LRBA: variants seen among roughly 807,000 people sequenced by gnomAD.
LRBA encodes lipopolysaccharide-responsive and beige-like anchor protein.
In LRBA, 176 loss-of-function variants were observed where a neutral mutation model predicts 330.0. That is an observed-to-expected ratio of 0.53 (90% CI 0.47 to 0.60). The LOEUF (loss-of-function observed/expected upper bound fraction) is 0.60. Among genes scored for constraint, LRBA ranks in the 20% least tolerant of loss-of-function variants. The probability of loss-of-function intolerance (pLI) is 0.00; values close to 1 mark genes in which losing one functional copy is unlikely to be tolerated. For synonymous variants in LRBA, 1,230 were observed against 1,193.0 expected (o/e 1.03, Z -0.64); for missense variants, 3,259 against 3,444.8 (o/e 0.95, Z 1.35).
chr4:150,647,827 T>C (rs879616632), intron 37 of LRBA, among the ~76,000 whole-genome samples: 7 of 151,952 alleles, frequency 4.6e-5, no homozygotes, highest in Non-Finnish European at 7.4e-5. Flanking sequence ...AATCGAGATA[T>C]TTATCTACAT....
chr4:150,685,794 G>T (rs1582042411), intron 36 of LRBA, among the ~76,000 whole-genome samples: 1 of 151,902 alleles, frequency 6.6e-6, no homozygotes, highest in East Asian at 1.9e-4. Context: ...AAGCTGAATT[G>T]TATAAAGAGG....
intron 2 of LRBA, among the ~76,000 whole-genome samples, chr4:150,994,577 G>A (rs1166965996): frequency 6.6e-6 from 1 of 152,156 alleles, no homozygotes; most frequent in Non-Finnish European, 1.5e-5. Context: ...AAAATCTGAT[G>A]GAGTTAATGC....
At chr4:150,802,047 A>AAATC (rs10582626) in intron 33 of LRBA, among the ~76,000 whole-genome samples, 3 of 46,404 alleles carry the variant, frequency 6.5e-5, no homozygotes, top group African/African-American at 1.5e-4. Flanking sequence ...ATAAATAAAT[A>AAATC]AATCAATAAA....
chr4:150,949,863 T>A (rs1287082992), intron 2 of LRBA, among the ~76,000 whole-genome samples: 53 of 152,072 alleles, frequency 3.5e-4, no homozygotes, highest in Admixed American at 6.6e-5. Context: ...AAAATCAGTA[T>A]ATTTAATTAC....
chr4:150,365,091 C>T (rs1739266749), intron 47 of LRBA, among the ~76,000 whole-genome samples: 1 of 151,932 alleles, frequency 6.6e-6, no homozygotes, highest in South Asian at 2.1e-4. Flanking sequence ...CTCACTGCAG[C>T]CTCGACCTCC....
chr4:150,543,488 C>T (rs952186403), intron 40 of LRBA, among the ~76,000 whole-genome samples: 2 of 152,072 alleles, frequency 1.3e-5, no homozygotes, highest in East Asian at 3.9e-4. Context: ...GCAGAAGAGG[C>T]AATCATGATC....
intron 47 of LRBA, among the ~76,000 whole-genome samples, chr4:150,355,311 T>C (rs922886461): frequency 2.0e-5 from 3 of 152,202 alleles, no homozygotes; most frequent in Non-Finnish European, 2.9e-5. Context: ...TATTAGATAA[T>C]TGTTTACCTC....
At chr4:150,282,420 T>C in intron 55 of LRBA, 30 bp downstream of exon 55, 1 of 1,593,122 alleles carries the variant, frequency 6.3e-7, no homozygotes, top group Non-Finnish European at 8.6e-7. Context: ...GTAAAAGTCG[T>C]GAATGCTGAA....
At chr4:150,455,768 A>AT (rs902904429) in intron 44 of LRBA, among the ~76,000 whole-genome samples, 54 of 151,300 alleles carry the variant, frequency 3.6e-4, no homozygotes, top group Non-Finnish European at 5.6e-4. Flanking sequence ...TATCTTGATA[A>AT]TTTTTTTTTG....
chr4:150,676,330 A>G (rs1782555568), intron 37 of LRBA, among the ~76,000 whole-genome samples: 1 of 152,162 alleles, frequency 6.6e-6, no homozygotes, highest in Non-Finnish European at 1.5e-5. Flanking sequence ...TTTTTAAGCT[A>G]TTTATTTATA....
At chr4:150,761,118 G>T (rs1351285207) in intron 35 of LRBA, among the ~76,000 whole-genome samples, 1 of 152,052 alleles carries the variant, frequency 6.6e-6, no homozygotes, top group Non-Finnish European at 1.5e-5. Flanking sequence ...TGGGTCTTCA[G>T]TTCCATTAAT....
intron 53 of LRBA, among the ~76,000 whole-genome samples, chr4:150,293,884 T>G (rs746832902): frequency 6.6e-6 from 1 of 152,236 alleles, no homozygotes; most frequent in Non-Finnish European, 1.5e-5. Context: ...ACTTAATGCA[T>G]AGTAAATATA....
intron 2 of LRBA, among the ~76,000 whole-genome samples, chr4:150,945,206 C>T (rs1005498066): frequency 2.6e-4 from 39 of 152,062 alleles, no homozygotes; most frequent in African/African-American, 5.8e-4. Context: ...TCAAATAATT[C>T]GAGTACCTAT....
chr4:150,591,007 C>T lies in LRBA; in HGVS notation c.6047-148G>A. ...ACAGTGGAGAAAGTGATTGGGATGG[C>T]ACACATGCCTGATCTGACAAACTCG... On this transcript the variant is annotated intron_variant, in intron 38 of 56. Coordinates refer to ENST00000651943, the MANE Select transcript of LRBA (RefSeq NM_001364905.1). 4.5e-6 allele frequency: 3 copies of T among 664,804 alleles called. No individual in the cohort carries two copies. In the South Asian group the frequency reaches 5.9e-5, roughly 13 times the overall value. 41.2% of individuals were successfully genotyped at this position (664,804 alleles called of 1,614,324 possible).
intron 40 of LRBA, among the ~76,000 whole-genome samples, chr4:150,493,800 T>C (rs915994131): frequency 3.3e-5 from 5 of 152,178 alleles, no homozygotes; most frequent in South Asian, 2.1e-4. Flanking sequence ...TATAGTCCAA[T>C]GTATCCATAA....
At chr4:150,501,732 G>A (rs888267477) in intron 40 of LRBA, among the ~76,000 whole-genome samples, 2 of 152,078 alleles carry the variant, frequency 1.3e-5, no homozygotes, top group African/African-American at 4.8e-5. Context: ...TCAAATTCAA[G>A]GGTCAGAATA....
At chr4:150,788,488 T>C (rs1366099001) in intron 34 of LRBA, among the ~76,000 whole-genome samples, 1 of 152,002 alleles carries the variant, frequency 6.6e-6, no homozygotes, top group Non-Finnish European at 1.5e-5. Context: ...AGTAAATAAG[T>C]AATAGAATAA....
chr4:150,349,565 C>A (rs1056101729), intron 48 of LRBA, among the ~76,000 whole-genome samples: 1 of 152,092 alleles, frequency 6.6e-6, no homozygotes, highest in Admixed American at 6.5e-5. Flanking sequence ...AAGATTTGGA[C>A]TTCAACCCCC....
At chr4:150,306,971 C>T (rs1466760008) in intron 52 of LRBA, among the ~76,000 whole-genome samples, 14 of 151,674 alleles carry the variant, frequency 9.2e-5, no homozygotes, top group Admixed American at 9.2e-4. Context: ...GTCTACTTCA[C>T]AGGATTATTG....
Sources: gnomAD v4.1 joint callset for allele counts (sites outside exome capture counted in the v4.1 genomes callset) on GRCh38, gnomAD v4.1.1 for gene constraint, MANE v1.5 for transcripts, NCBI Gene and HGNC (gene_info 2026-07-23, HGNC 2026-07-21) for gene names.